The following KLHL4 variants were observed in gnomAD, a reference collection of about 807,000 sequenced individuals.
KLHL4 encodes the protein kelch-like protein 4.
In KLHL4, 17 loss-of-function variants were observed where a neutral mutation model predicts 45.8. That is an observed-to-expected ratio of 0.37 (90% CI 0.25 to 0.56). The LOEUF is 0.56. KLHL4 is among the 20% of genes least tolerant of loss of function. The pLI, the probability that KLHL4 is intolerant of heterozygous loss-of-function variation, is 0.79. For synonymous variants in KLHL4, 224 were observed against 189.9 expected (o/e 1.18, Z -1.47); for missense variants, 544 against 544.9 (o/e 1.00, Z 0.02).
At chrX:87,541,817 G>C (rs992004505) in intron 1 of KLHL4, among the ~76,000 whole-genome samples, 1 of 111,444 alleles carries the variant, frequency 9.0e-6, no homozygotes, top group Non-Finnish European at 1.9e-5. Flanking sequence ...GGAACAGTTT[G>C]GAGGGCTCAG....
At position 87,518,288 on chromosome X, in the gene KLHL4, A is replaced by T; in HGVS notation, c.395A>T (p.Asp132Val). ...KRAQDLEMMA[D>V]DNIEDSTARL... ...GCACAAGATTTGGAGATGATGGCTGATGACAATATAGAAGATTCTACAGCA... is the reference window on the plus strand; with the variant it reads ...GCACAAGATTTGGAGATGATGGCTGTTGACAATATAGAAGATTCTACAGCA... Residue 132 changes from aspartate to valine, a missense_variant, in exon 1 of 11, where the codon GAT becomes GTT. Physicochemically the swap from Asp to Val is radical, Grantham distance 152. Coordinates refer to ENST00000373119, the MANE Select transcript of KLHL4 (RefSeq NM_019117.5). The T allele has an allele frequency of 1.7e-6, 2 of 1,210,569 alleles. No individual in the cohort carries two copies. Among genetic ancestry groups the T allele is most frequent in the Non-Finnish European group, 2.2e-6 (2 of 894,999 alleles).
Position 87,667,972 on chromosome X carries a change from A to T in KLHL4, c.*1438A>T. 1.4e-6 allele frequency: 1 copy of T among 717,747 alleles called. No individual in the cohort carries two copies. The highest frequency in any genetic ancestry group is 1.7e-6 in the Non-Finnish European group (1 of 605,801). 59.2% of individuals were successfully genotyped at this position (717,747 alleles called of 1,213,427 possible). ...TTAGAATATATCAAGTACAACCTGA[A>T]TGGACTTTTTGATTTTACATTTCCT... On this transcript the variant is annotated 3_prime_UTR_variant, in exon 11 of 11. Coordinates refer to ENST00000373119, the MANE Select transcript of KLHL4 (RefSeq NM_019117.5).
intron 1 of KLHL4, among the ~76,000 whole-genome samples, chrX:87,570,616 A>G (rs1448939354): frequency 9.0e-6 from 1 of 110,902 alleles, no homozygotes; most frequent in East Asian, 2.8e-4. Context: ...AGAGAGTAAA[A>G]GAAGGAGAGT....
chrX:87,585,883 G>A (rs1003298825), intron 1 of KLHL4, among the ~76,000 whole-genome samples: 1 of 110,807 alleles, frequency 9.0e-6, no homozygotes, highest in Non-Finnish European at 1.9e-5. Context: ...TGAGTAACAA[G>A]TTTTACCTAT....
At chrX:87,553,436 T>C (rs753483189) in intron 1 of KLHL4, among the ~76,000 whole-genome samples, 91 of 111,198 alleles carry the variant, frequency 8.2e-4, no homozygotes, top group African/African-American at 2.9e-3. Context: ...TCAAAGTAGT[T>C]GTGAACTTTG....
At chrX:87,539,026 T>G (rs776547772) in intron 1 of KLHL4, among the ~76,000 whole-genome samples, 22 of 111,727 alleles carry the variant, frequency 2.0e-4, no homozygotes, top group Non-Finnish European at 3.4e-4. Flanking sequence ...ACATTAACAT[T>G]TGAAAGGAAG....
At chrX:87,638,958 C>A (rs1387525554) in intron 9 of KLHL4, among the ~76,000 whole-genome samples, 2 of 110,460 alleles carry the variant, frequency 1.8e-5, no homozygotes, top group Admixed American at 9.7e-5. Flanking sequence ...ACTCACCTGA[C>A]AAATAAGGAC....
At position 87,533,781 on chromosome X, in the gene KLHL4, C is replaced by T. The variant is rs571087099; in HGVS notation, c.422+15466C>T. On this transcript the variant is annotated intron_variant, in intron 1 of 10. Coordinates refer to ENST00000373119, the MANE Select transcript of KLHL4 (RefSeq NM_019117.5). ...GATCTTAAAACCTACTCAATTTTCT[C>T]ATTGTTAGTAATGAACTTGCTTATT... is the stretch of plus-strand genomic sequence containing the variant. Among the ~76,000 whole-genome samples, 3 of 111,370 alleles carry T rather than the reference C, an allele frequency of 2.7e-5. No individual in the cohort carries two copies. In the South Asian group the frequency reaches 1.1e-3, roughly 42 times the overall value.
chrX:87,643,753 A>G (rs780606072), intron 9 of KLHL4, among the ~76,000 whole-genome samples: 6 of 112,046 alleles, frequency 5.4e-5, no homozygotes, highest in Non-Finnish European at 9.4e-5. Context: ...TTTAACATCC[A>G]CAAATCAATA....
At chrX:87,532,720 A>T (rs925064333) in intron 1 of KLHL4, among the ~76,000 whole-genome samples, 1 of 106,478 alleles carries the variant, frequency 9.4e-6, no homozygotes, top group African/African-American at 3.4e-5. Context: ...TTCACTCATG[A>T]TTTGGCTCTC....
chrX:87,667,923 A>G lies in KLHL4; in HGVS notation c.*1389A>G. 1.5e-6 allele frequency: 1 copy of G among 687,343 alleles called. No homozygotes were observed. Among genetic ancestry groups the G allele is most frequent in the Non-Finnish European group, 1.7e-6 (1 of 578,209 alleles). The allele number at this position is 687,343 out of a possible 1,213,427, so 56.6% of individuals were successfully genotyped here. On this transcript the variant is annotated 3_prime_UTR_variant, in exon 11 of 11. Coordinates refer to ENST00000373119, the MANE Select transcript of KLHL4 (RefSeq NM_019117.5). Reference sequence around the variant, plus strand: ...GACAAACTGAATTTAAATAAACTTTATTTCCTCTCACTATAGTGTGGCTTT... The same window carrying G: ...GACAAACTGAATTTAAATAAACTTTGTTTCCTCTCACTATAGTGTGGCTTT...
In KLHL4 at chrX:87,622,399, C is replaced by T; in HGVS notation, c.1113C>T (p.Ile371=). ...QGELGMLLSY[I]RLPLLPPQLL... The stretch of plus-strand genomic sequence containing the variant: ...AACTGGGGATGCTGCTTTCTTACAT[C>T]AGACTGCCATTACTCCCACCACAGG... The change falls in exon 5 of 11, where the codon ATC becomes ATT. Residue 371 remains isoleucine, a synonymous_variant. Transcript: ENST00000373119. The T allele has an allele frequency of 8.3e-7, 1 of 1,201,764 alleles. No homozygotes were observed. The highest frequency in any genetic ancestry group is 1.1e-6 in the Non-Finnish European group (1 of 888,399).
At position 87,607,481 on chromosome X, in the gene KLHL4, A is replaced by G. The variant is rs1463323967; in HGVS notation, c.423-6396A>G. 1.5e-4 allele frequency among the ~76,000 whole-genome samples: 17 copies of G among 111,830 alleles called. 1 individual carries two copies. The highest frequency in any genetic ancestry group is 5.6e-5 in the Non-Finnish European group (3 of 53,175). ...TACTTACCCAGCTTACACTCCATGT[A>G]GCATAATCAGAATCACATACCTGCA... On this transcript the variant is annotated intron_variant, in intron 1 of 10. Transcript: ENST00000373119.
intron 1 of KLHL4, among the ~76,000 whole-genome samples, chrX:87,531,768 C>G (rs1041907771): frequency 3.1e-5 from 3 of 97,776 alleles, no homozygotes; most frequent in African/African-American, 1.1e-4. Context: ...AGGAATCCAA[C>G]TTACAAGGGA....
At chrX:87,590,318 G>A (rs563621307) in intron 1 of KLHL4, among the ~76,000 whole-genome samples, 1 of 109,828 alleles carries the variant, frequency 9.1e-6, no homozygotes, top group African/African-American at 3.3e-5. Flanking sequence ...CCCAGAAAAC[G>A]ATATAATCCT....
intron 9 of KLHL4, among the ~76,000 whole-genome samples, chrX:87,661,321 C>CA (rs747884464): frequency 8.1e-5 from 9 of 110,959 alleles, no homozygotes; most frequent in African/African-American, 9.8e-5. Flanking sequence ...GATTTTATCA[C>CA]AAAAAAGTAT....
chrX:87,616,612 C>A (rs1922564552), intron 3 of KLHL4, among the ~76,000 whole-genome samples: 1 of 111,862 alleles, frequency 8.9e-6, no homozygotes, highest in African/African-American at 3.2e-5. Context: ...CTTAAGCATG[C>A]TTGTAACTGA....
intron 1 of KLHL4, among the ~76,000 whole-genome samples, chrX:87,547,171 T>G (rs1481325825): frequency 2.7e-5 from 3 of 111,661 alleles, no homozygotes; most frequent in Non-Finnish European, 5.6e-5. Context: ...CATCCAAATC[T>G]CATCTTGATT....
intron 2 of KLHL4, 66 bp downstream of exon 2, chrX:87,614,110 C>T (rs891557139): frequency 6.4e-6 from 5 of 777,691 alleles, no homozygotes; most frequent in South Asian, 6.0e-5. Flanking sequence ...ATAATGAGTA[C>T]ATGGATTATA....
Sources: gnomAD v4.1 joint callset for allele counts (sites outside exome capture counted in the v4.1 genomes callset) on GRCh38, gnomAD v4.1.1 for gene constraint, MANE v1.5 for transcripts, NCBI Gene and HGNC (gene_info 2026-07-23, HGNC 2026-07-21) for gene names.